WDR11: variants seen among roughly 807,000 people sequenced by gnomAD.
The protein encoded by WDR11 is WD repeat-containing protein 11.
In WDR11, 83 loss-of-function variants were observed where a neutral mutation model predicts 151.2. That is an observed-to-expected ratio of 0.55 (90% confidence interval 0.46 to 0.66). The LOEUF (loss-of-function observed/expected upper bound fraction) is 0.66, where lower values mean the gene tolerates loss of function less well. Among genes scored for constraint, WDR11 ranks in the 30% least tolerant of loss-of-function variants. The probability of loss-of-function intolerance (pLI) is 0.00; values close to 1 mark genes in which losing one functional copy is unlikely to be tolerated. For missense variants in WDR11, 1,301 were observed against 1,480.9 expected (o/e 0.88, Z 1.99); for synonymous variants, 484 against 533.1 (o/e 0.91, Z 1.27).
chr10:120,866,454 T>C (rs1189003246), intron 7 of WDR11, 115 bp from the exon 8 acceptor site: 16 of 1,144,686 alleles, frequency 1.4e-5, no homozygotes, highest in Non-Finnish European at 2.1e-5. Flanking sequence ...ATGCTTGACA[T>C]TGCATTCATG....
chr10:120,879,283 G>A (rs545341145), intron 12 of WDR11: 2 of 152,220 alleles, frequency 1.3e-5, no homozygotes, highest in African/African-American at 4.8e-5. Context: ...GTATTTTCAA[G>A]CTCTCAAAGA....
intron 28 of WDR11, 94 bp downstream of exon 28, chr10:120,906,949 A>G (rs762971418): frequency 6.3e-5 from 98 of 1,546,268 alleles, no homozygotes; most frequent in Middle Eastern, 1.7e-4. Context: ...GACAGGAACT[A>G]TATTATATTG....
chr10:120,887,140 C>T (rs1181455658), intron 16 of WDR11, among the ~76,000 whole-genome samples: 1 of 152,170 alleles, frequency 6.6e-6, no homozygotes, highest in East Asian at 1.9e-4. Context: ...ATCCAGCTTA[C>T]TCATATGGCA....
intron 17 of WDR11, chr10:120,889,631 G>A: frequency 2.0e-6 from 1 of 497,384 alleles, no homozygotes; most frequent in South Asian, 2.1e-5. Flanking sequence ...GGACCCTTGG[G>A]TCCCTTCACC....
intron 19 of WDR11, chr10:120,899,824 A>C: frequency 3.4e-6 from 2 of 591,662 alleles, no homozygotes; most frequent in Non-Finnish European, 5.9e-6. Flanking sequence ...GGGGAAAAGA[A>C]AAATATGTTA....
chr10:120,873,745 G>C (rs374525519), intron 10 of WDR11, 94 bp from the exon 11 acceptor site: 12 of 828,402 alleles, frequency 1.4e-5, no homozygotes, highest in Non-Finnish European at 2.6e-5. Context: ...AAAGATAAAT[G>C]TGTTAAGTGA....
At chr10:120,907,559 G>A (rs1848102246) in intron 28 of WDR11, 1 of 149,572 alleles carries the variant, frequency 6.7e-6, no homozygotes, top group African/African-American at 2.5e-5. Context: ...GCAGGTACTT[G>A]GTTCTCTCTC....
Position 120,903,052 on chromosome 10 carries a change from C to T in WDR11, c.2754-3C>T. 6.2e-7 allele frequency: 1 copy of T among 1,613,828 alleles called. No individual in the cohort carries two copies. The highest frequency in any genetic ancestry group is 8.5e-7 in the Non-Finnish European group (1 of 1,180,008). The stretch of plus-strand genomic sequence containing the variant: ...AGTCAAAACTTTGCTTCATCCTTGC[C>T]AGGCTCTATGGTGATGAATCGGAGC... On this transcript the variant is annotated splice_region_variant and splice_polypyrimidine_tract_variant and intron_variant, in intron 22 of 28. Coordinates refer to ENST00000263461, the MANE Select transcript of WDR11 (RefSeq NM_018117.12).
intron 28 of WDR11, 117 bp downstream of exon 28, chr10:120,906,972 G>T: frequency 6.8e-7 from 1 of 1,471,050 alleles, no homozygotes; most frequent in Middle Eastern, 1.9e-4. Context: ...AAAGATCCAT[G>T]TTCTGATTTT....
intron 18 of WDR11, among the ~76,000 whole-genome samples, chr10:120,890,425 G>A (rs1847392060): frequency 6.6e-6 from 1 of 152,084 alleles, no homozygotes; most frequent in Non-Finnish European, 1.5e-5. Flanking sequence ...TGTTGGGCAG[G>A]CTGGTCTCAA....
At position 120,908,811 on chromosome 10, in the gene WDR11, A is replaced by G; in HGVS notation, c.*98A>G. 1 of 1,377,234 alleles carries G rather than the reference A, an allele frequency of 7.3e-7. No homozygotes were observed. The highest frequency in any genetic ancestry group is 1.0e-6 in the Non-Finnish European group (1 of 971,060). The allele number at this position is 1,377,234 out of a possible 1,614,324, so 85.3% of individuals were successfully genotyped here. On this transcript the variant is annotated 3_prime_UTR_variant, in exon 29 of 29. Transcript: ENST00000263461. Reference sequence around the variant, plus strand: ...CACAGTCCAGGATGAAGAGGAGTACAGGGTCCTGTGAGCTGTTTGACCACT... The same window carrying G: ...CACAGTCCAGGATGAAGAGGAGTACGGGGTCCTGTGAGCTGTTTGACCACT...
chr10:120,871,124 A>G (rs1224174231), intron 9 of WDR11, 46 bp from the exon 10 acceptor site: 2 of 1,595,186 alleles, frequency 1.3e-6, no homozygotes, highest in Non-Finnish European at 1.7e-6. Context: ...TTTTAAGATC[A>G]GCATACACTG....
intron 2 of WDR11, among the ~76,000 whole-genome samples, chr10:120,855,195 G>T (rs2133723995): frequency 6.6e-6 from 1 of 152,254 alleles, no homozygotes; most frequent in Admixed American, 6.5e-5. Context: ...AGGGTTACTT[G>T]AACATAGCAC....
At chr10:120,887,234 ACAAT>A (rs1181956970) in intron 16 of WDR11, among the ~76,000 whole-genome samples, 1 of 152,186 alleles carries the variant, frequency 6.6e-6, no homozygotes, top group Non-Finnish European at 1.5e-5. Context: ...GATTTGACTT[ACAAT>A]CTAGTATTAT....
chr10:120,901,003 A>G, intron 20 of WDR11, 33 bp from the exon 21 acceptor site: 1 of 1,427,512 alleles, frequency 7.0e-7, no homozygotes. Context: ...AAGTGAAGAG[A>G]TAATGAACTC....
chr10:120,900,093 A>G lies in WDR11; in HGVS notation c.2580A>G (p.Leu860=). 5 of 1,614,042 alleles carry G rather than the reference A, an allele frequency of 3.1e-6. No individual in the cohort carries two copies. Among genetic ancestry groups the G allele is most frequent in the Non-Finnish European group, 4.2e-6 (5 of 1,179,958 alleles). The change falls in exon 20 of 29, where the codon TTA becomes TTG. Residue 860 remains leucine (L), a synonymous_variant. Coordinates refer to ENST00000263461, the MANE Select transcript of WDR11 (RefSeq NM_018117.12). ...RASLALKAFL[L]HQPWNGQYSL... ...CTCTTGCCTTGAAAGCCTTCTTATTACACCAGCCTTGGAATGGACAGTATT... is the reference window on the plus strand; with the variant it reads ...CTCTTGCCTTGAAAGCCTTCTTATTGCACCAGCCTTGGAATGGACAGTATT...
At chr10:120,896,937 G>T (rs777433936) in intron 19 of WDR11, among the ~76,000 whole-genome samples, 1 of 152,186 alleles carries the variant, frequency 6.6e-6, no homozygotes, top group Non-Finnish European at 1.5e-5. Context: ...TACTTTGCAA[G>T]TTCCATTTCC....
rs7077126 is a variant in WDR11, at chr10:120,908,784, G to A, written c.*71G>A. 0.35 allele frequency: 547,952 copies of A among 1,556,868 alleles called. 98,410 individuals are homozygous for A. Among genetic ancestry groups the A allele is most frequent in the Admixed American group, 0.5 (29,816 of 59,780 alleles). ...GGGGGCTGGTCTGGCTGTGGCCACC[G>A]TCACAGTCCAGGATGAAGAGGAGTA... On this transcript the variant is annotated 3_prime_UTR_variant, in exon 29 of 29. Transcript: ENST00000263461.
At chr10:120,888,618 G>A (rs993576056) in intron 16 of WDR11, among the ~76,000 whole-genome samples, 4 of 152,304 alleles carry the variant, frequency 2.6e-5, no homozygotes, top group Middle Eastern at 3.4e-3. Context: ...TCCAAAACGT[G>A]TCAGTGAAGC....
Sources: allele counts gnomAD v4.1 joint callset (sites outside exome capture counted in the v4.1 genomes callset), GRCh38; gene constraint gnomAD v4.1.1; transcripts MANE v1.5; gene names NCBI Gene and HGNC (gene_info 2026-07-23, HGNC 2026-07-21).